Variants in SHISA9 observed in about 807,000 individuals in gnomAD.
SHISA9 encodes shisa family member 9.
In SHISA9, 13 loss-of-function variants were observed where a neutral mutation model predicts 38.0. That is an observed-to-expected ratio of 0.34 (90% CI 0.22 to 0.54). SHISA9 has a LOEUF of 0.54. Ranked by LOEUF, SHISA9 falls within the 20% of genes least tolerant of loss-of-function variation. The pLI, the probability that SHISA9 is intolerant of heterozygous loss-of-function variation, is 0.91. For synonymous variants in SHISA9, 275 were observed against 242.0 expected, an observed-to-expected ratio of 1.14 and a Z score of -1.27; for missense variants, 538 against 575.8, an observed-to-expected ratio of 0.93 and a Z score of 0.67.
chr16:13,407,764 G>C, the SHISA9 span, among the ~76,000 whole-genome samples: 15 of 152,114 alleles, frequency 9.9e-5, no homozygotes, highest in Non-Finnish European at 1.5e-4. Flanking sequence ...ACCGTGGAGG[G>C]GAGGTTTTCC....
intron 1 of SHISA9, chr16:12,911,229 C>G (rs2071178629): frequency 1.0e-6 from 1 of 983,698 alleles, no homozygotes; most frequent in South Asian, 4.7e-5. Context: ...TGCATTTTAA[C>G]AAGATCCCCA....
intron 2 of SHISA9, among the ~76,000 whole-genome samples, chr16:12,970,467 GTGTATATATATATA>G (rs1241537095): frequency 0.016 from 387 of 23,570 alleles, 12 homozygotes; most frequent in Non-Finnish European, 0.02. Flanking sequence ...ATATATGTGT[GTGTATATATATATA>G]TATATATATA....
chr16:13,087,596 A>G (rs892464481), intron 2 of SHISA9, among the ~76,000 whole-genome samples: 33 of 152,062 alleles, frequency 2.2e-4, no homozygotes, highest in African/African-American at 7.5e-4. Context: ...GCATTTTTTC[A>G]TGTGTCTGTT....
At chr16:12,963,397 G>A (rs2071936456) in intron 2 of SHISA9, among the ~76,000 whole-genome samples, 1 of 152,194 alleles carries the variant, frequency 6.6e-6, no homozygotes, top group South Asian at 2.1e-4. Flanking sequence ...AGCTCCTAGT[G>A]TAGCAAGAGA....
chr16:13,555,582 C>A, the SHISA9 span, among the ~76,000 whole-genome samples: 273 of 152,250 alleles, frequency 1.8e-3, 1 homozygote, highest in African/African-American at 6.3e-3. Context: ...GTCAGACAAA[C>A]CCAGAGGTCT....
chr16:13,028,105 T>C (rs1475510567), intron 2 of SHISA9, among the ~76,000 whole-genome samples: 3 of 151,962 alleles, frequency 2.0e-5, no homozygotes, highest in Non-Finnish European at 2.9e-5. Flanking sequence ...TCTCAGGTAA[T>C]GAAAACCTTC....
chr16:12,934,498 T>C (rs1224255538), intron 2 of SHISA9, among the ~76,000 whole-genome samples: 2 of 152,242 alleles, frequency 1.3e-5, no homozygotes, highest in African/African-American at 4.8e-5. Flanking sequence ...CCTTTTTATG[T>C]AACAACTATT....
At chr16:13,135,647 C>T (rs1335986801) in intron 2 of SHISA9, among the ~76,000 whole-genome samples, 2 of 152,048 alleles carry the variant, frequency 1.3e-5, no homozygotes, top group African/African-American at 2.4e-5. Context: ...GTATTGCATC[C>T]CAAATTGTAT....
the SHISA9 span, among the ~76,000 whole-genome samples, chr16:13,443,214 A>T: frequency 3.7e-4 from 57 of 152,330 alleles, no homozygotes; most frequent in African/African-American, 1.4e-3. Flanking sequence ...TGTTGAAGAG[A>T]TTTTATTGAG....
the SHISA9 span, among the ~76,000 whole-genome samples, chr16:13,403,665 G>A: frequency 9.5e-3 from 1,445 of 152,306 alleles, 32 homozygotes; most frequent in African/African-American, 0.033. Context: ...TCCACAAGGA[G>A]GGAAACACAT....
At chr16:12,984,657 G>C (rs2072283427) in intron 2 of SHISA9, among the ~76,000 whole-genome samples, 1 of 152,194 alleles carries the variant, frequency 6.6e-6, no homozygotes, top group Admixed American at 6.5e-5. Context: ...TAGGGTTTTT[G>C]AAAGAGCTAC....
the SHISA9 span, among the ~76,000 whole-genome samples, chr16:13,309,310 G>T: frequency 1.3e-5 from 2 of 152,070 alleles, no homozygotes; most frequent in Non-Finnish European, 2.9e-5. Flanking sequence ...TACCCGTGTA[G>T]CAAACCTGCA....
chr16:13,210,552 C>A (rs2051109159), intron 3 of SHISA9, among the ~76,000 whole-genome samples: 1 of 152,222 alleles, frequency 6.6e-6, no homozygotes, highest in Non-Finnish European at 1.5e-5. Context: ...CAACAATACA[C>A]TTCAATATGG....
At chr16:13,135,555 G>C (rs1398297447) in intron 2 of SHISA9, among the ~76,000 whole-genome samples, 1 of 152,200 alleles carries the variant, frequency 6.6e-6, no homozygotes, top group Non-Finnish European at 1.5e-5. Context: ...TCCCATGCTA[G>C]CCTGGTTGCA....
intron 2 of SHISA9, among the ~76,000 whole-genome samples, chr16:13,121,808 C>G (rs2050212957): frequency 6.8e-6 from 1 of 146,602 alleles, no homozygotes; most frequent in Non-Finnish European, 1.5e-5. Context: ...TAATAGGTCA[C>G]AACATTAAAC....
the SHISA9 span, among the ~76,000 whole-genome samples, chr16:13,315,625 A>G: frequency 2.0e-5 from 3 of 152,228 alleles, no homozygotes; most frequent in African/African-American, 7.2e-5. Context: ...TTATTTTCTC[A>G]TCTGTAAAAT....
intron 1 of SHISA9, chr16:12,908,904 G>A (rs1262799155): frequency 9.6e-7 from 1 of 1,036,550 alleles, no homozygotes; most frequent in Non-Finnish European, 1.2e-6. Context: ...AAATCCAAGT[G>A]GCAAATGGCA....
At chr16:13,056,837 C>T (rs2073316329) in intron 2 of SHISA9, among the ~76,000 whole-genome samples, 1 of 152,218 alleles carries the variant, frequency 6.6e-6, no homozygotes, top group Non-Finnish European at 1.5e-5. Flanking sequence ...TACTTGAATT[C>T]ATGCCACGAA....
At chr16:13,022,526 T>C (rs1396389913) in intron 2 of SHISA9, among the ~76,000 whole-genome samples, 1 of 152,044 alleles carries the variant, frequency 6.6e-6, no homozygotes, top group African/African-American at 2.4e-5. Context: ...AGACGGGGTT[T>C]CACCATGTTG....
Sources: allele counts gnomAD v4.1 joint callset (sites outside exome capture counted in the v4.1 genomes callset), GRCh38; gene constraint gnomAD v4.1.1; transcripts MANE v1.5; gene names NCBI Gene and HGNC (gene_info 2026-07-23, HGNC 2026-07-21).